Variants in KCTD16 observed in about 807,000 individuals in gnomAD.
The protein encoded by KCTD16 is BTB/POZ domain-containing protein KCTD16.
In KCTD16, 13 loss-of-function variants were observed where a neutral mutation model predicts 33.2. The observed-to-expected ratio is 0.39, with a 90% CI of 0.25 to 0.62. The LOEUF is 0.62. KCTD16 is among the 20% of genes least tolerant of loss of function. The pLI, the probability that KCTD16 is intolerant of heterozygous loss-of-function variation, is 0.50. For missense variants in KCTD16, 441 were observed against 525.1 expected (o/e 0.84, Z 1.57); for synonymous variants, 197 against 195.3 (o/e 1.01, Z -0.07).
intron 3 of KCTD16, among the ~76,000 whole-genome samples, chr5:144,314,774 G>A (rs149778304): frequency 1.1e-3 from 163 of 152,202 alleles, no homozygotes; most frequent in Non-Finnish European, 1.9e-3. Flanking sequence ...GTAAAGAAGT[G>A]CACACGCATA....
At chr5:144,363,661 G>C (rs767334881) in intron 3 of KCTD16, among the ~76,000 whole-genome samples, 2 of 152,118 alleles carry the variant, frequency 1.3e-5, no homozygotes, top group African/African-American at 2.4e-5. Context: ...AATTGCCTCT[G>C]GAGAGGATGG....
At position 144,482,612 on chromosome 5, in the gene KCTD16, T is replaced by C. The variant is rs1046315513; in HGVS notation, c.*8498T>C. ...GTGATTAACTGCCCTCAGCATCTCA[T>C]TGTTACTGTTATAAGTTGGGAAAAA... On this transcript the variant is annotated 3_prime_UTR_variant, in exon 4 of 4. Transcript: ENST00000512467. The C allele has an allele frequency of 6.6e-6, 1 of 151,846 alleles. No individual in the cohort carries two copies. The highest frequency in any genetic ancestry group is 2.4e-5 in the African/African-American group (1 of 41,378). The allele number at this position is 151,846 out of a possible 1,614,324, so 9.4% of individuals were successfully genotyped here. A position where few individuals can be genotyped will look rare whatever the true frequency, so the allele number is the denominator to read the frequency against.
intron 3 of KCTD16, among the ~76,000 whole-genome samples, chr5:144,240,835 C>T (rs958208427): frequency 6.6e-6 from 1 of 152,072 alleles, no homozygotes; most frequent in Admixed American, 6.6e-5. Flanking sequence ...GAACAAGATA[C>T]CAGGGAGGCG....
Position 144,448,148 on chromosome 5 carries a change from A to T in KCTD16, c.833-25512A>T, listed in dbSNP as rs900822771. Among the ~76,000 whole-genome samples, 11 of 152,178 alleles carry T rather than the reference A, an allele frequency of 7.2e-5. No individual in the cohort carries two copies. The East Asian group carries it at 2.1e-3, about 29-fold the overall frequency. On this transcript the variant is annotated intron_variant, in intron 3 of 3. Transcript: ENST00000512467. ...AAATTCACTATCCCATTGATGCTGT[A>T]GTCTCTTTGCCTATACTGGTCTCTG...
intron 3 of KCTD16, among the ~76,000 whole-genome samples, chr5:144,409,462 A>G (rs1039494497): frequency 5.9e-5 from 9 of 152,206 alleles, no homozygotes; most frequent in Admixed American, 5.2e-4. Flanking sequence ...CACATATCCT[A>G]TGAGAAATAG....
rs1274836375 is a variant in KCTD16 at position 144,347,580 on chromosome 5, A to T, written c.833-126080A>T. ...ATCGCACTCTAGCCTGGGGGACAAG[A>T]GGTAGAGGGAGGTTGGTTTCAGGGA... On this transcript the variant is annotated intron_variant, in intron 3 of 3. Transcript: ENST00000512467. 3.3e-5 allele frequency among the ~76,000 whole-genome samples: 5 copies of T among 152,052 alleles called. No individual in the cohort carries two copies. The East Asian group carries it at 9.7e-4, about 29-fold the overall frequency.
At chr5:144,299,136 ATATATATATATATTTTTT>A (rs1164166524) in intron 3 of KCTD16, among the ~76,000 whole-genome samples, 7 of 30,448 alleles carry the variant, frequency 2.3e-4, no homozygotes, top group African/African-American at 2.3e-3. Context: ...ATATATATAT[ATATATATATATATTTTTT>A]TTTTTTTTTT....
At chr5:144,467,787 T>G (rs997382616) in intron 3 of KCTD16, among the ~76,000 whole-genome samples, 2 of 152,164 alleles carry the variant, frequency 1.3e-5, no homozygotes, top group Admixed American at 6.6e-5. Flanking sequence ...CTTTCATGTC[T>G]TTTGCATCCC....
chr5:144,267,907 TA>T (rs1371102852), intron 3 of KCTD16, among the ~76,000 whole-genome samples: 1 of 152,158 alleles, frequency 6.6e-6, no homozygotes. Context: ...ATTAGTTATT[TA>T]AAACTACATG....
intron 3 of KCTD16, among the ~76,000 whole-genome samples, chr5:144,241,034 T>C (rs1403961242): frequency 6.6e-6 from 1 of 152,162 alleles, no homozygotes; most frequent in Non-Finnish European, 1.5e-5. Flanking sequence ...CCCTGTATTA[T>C]ATCTTTCATG....
intron 3 of KCTD16, among the ~76,000 whole-genome samples, chr5:144,310,324 A>G (rs1019055540): frequency 6.6e-6 from 1 of 152,048 alleles, no homozygotes; most frequent in Non-Finnish European, 1.5e-5. Flanking sequence ...TGTTTATTCC[A>G]TATTTTTGCT....
At chr5:144,303,145 G>A (rs1018351415) in intron 3 of KCTD16, among the ~76,000 whole-genome samples, 13 of 152,156 alleles carry the variant, frequency 8.5e-5, no homozygotes, top group Admixed American at 6.6e-4. Context: ...CTTGATAGAC[G>A]TGTCAAGGAC....
chr5:144,218,404 G>A (rs970811356), intron 3 of KCTD16, among the ~76,000 whole-genome samples: 15 of 152,098 alleles, frequency 9.9e-5, no homozygotes, highest in African/African-American at 3.6e-4. Context: ...CTGGTGGATG[G>A]AGTAATAAAA....
intron 3 of KCTD16, among the ~76,000 whole-genome samples, chr5:144,280,332 A>T: frequency 6.6e-6 from 1 of 152,178 alleles, no homozygotes; most frequent in East Asian, 1.9e-4. Flanking sequence ...TTTATAATTT[A>T]TAAATTAAAG....
At chr5:144,460,791 C>CT (rs1401184429) in intron 3 of KCTD16, among the ~76,000 whole-genome samples, 9 of 152,234 alleles carry the variant, frequency 5.9e-5, no homozygotes, top group African/African-American at 2.2e-4. Flanking sequence ...TAAACATTGC[C>CT]TAGAGAGTGT....
At chr5:144,174,593 C>T (rs1293639391) in intron 2 of KCTD16, 121 bp downstream of exon 2, 1 of 152,202 alleles carries the variant, frequency 6.6e-6, no homozygotes, top group Non-Finnish European at 1.5e-5. Context: ...GTTTCCTCAT[C>T]AAGTCTCCTG....
Position 144,477,483 on chromosome 5 carries a change from T to C in KCTD16, c.*3369T>C, listed in dbSNP as rs1275093390. 1 of 152,150 alleles carries C rather than the reference T, an allele frequency of 6.6e-6. No homozygotes were observed. Among genetic ancestry groups the C allele is most frequent in the African/African-American group, 2.4e-5 (1 of 41,432 alleles). The allele number at this position is 152,150 out of a possible 1,614,324, so 9.4% of individuals were successfully genotyped here. A position where few individuals can be genotyped will look rare whatever the true frequency, so the allele number is the denominator to read the frequency against. ...ATTAAGGGATGTTGACATGGAATTT[T>C]TCTCTTTTCAATTAGCCTTGTTAGA... On this transcript the variant is annotated 3_prime_UTR_variant, in exon 4 of 4. Coordinates refer to ENST00000512467, the MANE Select transcript of KCTD16 (RefSeq NM_020768.4).
intron 3 of KCTD16, among the ~76,000 whole-genome samples, chr5:144,304,231 G>A (rs1751526937): frequency 6.6e-6 from 1 of 152,206 alleles, no homozygotes; most frequent in Non-Finnish European, 1.5e-5. Flanking sequence ...AGTTGACTGC[G>A]ATGAGCCAGT....
chr5:144,417,823 G>A (rs1017833990), intron 3 of KCTD16, among the ~76,000 whole-genome samples: 2 of 152,116 alleles, frequency 1.3e-5, no homozygotes, highest in Non-Finnish European at 2.9e-5. Flanking sequence ...TGGATATGCA[G>A]TTATTTTGGT....
Sources: allele counts gnomAD v4.1 joint callset (sites outside exome capture counted in the v4.1 genomes callset), GRCh38; gene constraint gnomAD v4.1.1; transcripts MANE v1.5; gene names NCBI Gene and HGNC (gene_info 2026-07-23, HGNC 2026-07-21).